Variants in PM20D1 observed in about 807,000 individuals in gnomAD.
PM20D1 encodes peptidase M20 domain containing 1.
PM20D1 carries 53 observed loss-of-function variants against 53.8 expected under a neutral mutation model. The ratio of observed to expected loss-of-function variants is 0.98; its 90% confidence interval spans 0.79 to 1.24. The LOEUF (loss-of-function observed/expected upper bound fraction) is 1.24, where lower values mean the gene tolerates loss of function less well. Among genes scored for constraint, PM20D1 ranks in the 50% most tolerant of loss-of-function variants. PM20D1 has a pLI of 0.00. For synonymous variants in PM20D1, 239 were observed against 241.3 expected (o/e 0.99, Z 0.09); for missense variants, 564 against 616.8 (o/e 0.91, Z 0.91).
At chr1:205,841,046 T>G (rs990520266) in intron 9 of PM20D1, among the ~76,000 whole-genome samples, 18 of 152,190 alleles carry the variant, frequency 1.2e-4, no homozygotes, top group African/African-American at 4.1e-4. Flanking sequence ...TTGAGGCTGC[T>G]GAGCAATTGT....
At chr1:205,846,729 T>A (rs1264206859) in intron 2 of PM20D1, among the ~76,000 whole-genome samples, 3 of 151,946 alleles carry the variant, frequency 2.0e-5, no homozygotes, top group African/African-American at 7.3e-5. Context: ...TAGGGTCAAT[T>A]ATTCAAGCGA....
intron 1 of PM20D1, 27 bp from the exon 2 acceptor site, chr1:205,847,998 A>G: frequency 1.3e-6 from 2 of 1,594,676 alleles, no homozygotes; most frequent in East Asian, 2.2e-5. Context: ...GAGATGAAAG[A>G]TTGAAAATGA....
At position 205,850,130 on chromosome 1, in the gene PM20D1, A is replaced by AC; in HGVS notation, c.-59dup. ...GGGTAGTTCTGACCTAAACGCCCAG[A>AC]CTAGCGTTTCTTGGCCCTAGCTCTG... is the stretch of plus-strand genomic sequence containing the variant. On this transcript the variant is annotated 5_prime_UTR_variant, in exon 1 of 13. Coordinates refer to ENST00000367136, the MANE Select transcript of PM20D1 (RefSeq NM_152491.5). 1.9e-6 allele frequency: 3 copies of AC among 1,552,096 alleles called. No individual in the cohort carries two copies. Among genetic ancestry groups the AC allele is most frequent in the Non-Finnish European group, 2.6e-6 (3 of 1,143,662 alleles).
At chr1:205,836,913 A>T (rs1208328006) in intron 10 of PM20D1, among the ~76,000 whole-genome samples, 1 of 152,174 alleles carries the variant, frequency 6.6e-6, no homozygotes, top group Admixed American at 6.5e-5. Context: ...GGGCATCTGT[A>T]CTGCTTCCCA....
intron 8 of PM20D1, 60 bp from the exon 9 acceptor site, chr1:205,841,949 G>A (rs960011362): frequency 1.2e-5 from 18 of 1,459,662 alleles, no homozygotes; most frequent in Admixed American, 9.8e-5. Flanking sequence ...AGGAAAGGGC[G>A]GAAACATTAC....
intron 10 of PM20D1, among the ~76,000 whole-genome samples, chr1:205,837,007 A>G (rs1656699592): frequency 6.6e-6 from 1 of 152,050 alleles, no homozygotes; most frequent in African/African-American, 2.4e-5. Context: ...CATTTAAAGG[A>G]CCTCACTGCT....
chr1:205,835,199 G>A (rs1656656712), intron 10 of PM20D1, among the ~76,000 whole-genome samples: 1 of 152,166 alleles, frequency 6.6e-6, no homozygotes, highest in African/African-American at 2.4e-5. Context: ...TTCAAGGAAG[G>A]ATATGAAACT....
rs187438561 is a variant in PM20D1 at position 205,850,093 on chromosome 1, G to A, written c.-21C>T. 3.1e-6 allele frequency: 5 copies of A among 1,607,394 alleles called. No homozygotes were observed. The highest frequency in any genetic ancestry group is 4.3e-6 in the Non-Finnish European group (5 of 1,175,260). ...GCCATGCTTCTCTCGAGCTCCTGCT[G>A]TCAGGCTACCGGGGTAGTTCTGACC... On this transcript the variant is annotated 5_prime_UTR_variant, in exon 1 of 13. Transcript: ENST00000367136.
At chr1:205,847,992 T>C (rs1015412701) in intron 1 of PM20D1, 21 bp from the exon 2 acceptor site, 17 of 1,597,508 alleles carry the variant, frequency 1.1e-5, no homozygotes, top group Non-Finnish European at 1.5e-5. Flanking sequence ...CAAATAGAGA[T>C]GAAAGATTGA....
intron 9 of PM20D1, 89 bp from the exon 10 acceptor site, chr1:205,840,412 G>T: frequency 8.2e-7 from 1 of 1,217,552 alleles, no homozygotes; most frequent in Non-Finnish European, 1.2e-6. Context: ...CCTCAGCTCA[G>T]GCAGAGTTGG....
In PM20D1 at chr1:205,841,823, T is replaced by G; in HGVS notation, c.1032A>C (p.Lys344Asn). The G allele has an allele frequency of 6.4e-7, 1 of 1,568,740 alleles. No individual in the cohort carries two copies. The highest frequency in any genetic ancestry group is 8.7e-7 in the Non-Finnish European group (1 of 1,153,962). The change falls in exon 9 of 13, where the codon AAA becomes AAC. Residue 344 changes from lysine (K) to asparagine (N), a missense_variant. By Grantham distance (94) the Lys-to-Asn change is moderately conservative. Coordinates refer to ENST00000367136, the MANE Select transcript of PM20D1 (RefSeq NM_152491.5). ...CCAGGGATGTTACCTTGACCCCTGC[T>G]TTGAATATGGTGAGTGCCGTGGTGG... Reference protein sequence around the residue: ...IRTTTALTIFKAGVKFNVIPP... With the variant: ...IRTTTALTIFNAGVKFNVIPP...
chr1:205,829,548 AAAAC>A (rs1394580664), intron 12 of PM20D1, among the ~76,000 whole-genome samples: 11 of 152,248 alleles, frequency 7.2e-5, no homozygotes, highest in African/African-American at 2.4e-4. Flanking sequence ...AGAGCAAAAC[AAAAC>A]AAACAACAAC....
Position 205,832,640 on chromosome 1 carries a change from T to C in PM20D1, c.1243A>G (p.Thr415Ala). The change falls in exon 11 of 13, where the codon ACC becomes GCC. Residue 415 changes from threonine to alanine, a missense_variant. Thr to Ala is a moderately conservative substitution (Grantham distance 58). Coordinates refer to ENST00000367136, the MANE Select transcript of PM20D1 (RefSeq NM_152491.5). The part of the protein sequence containing the change: ...KALGYQLLRQ[T>A]VQSVFPEVNI... ...ACTTCCGGGAAGACGGACTGTACGG[T>C]CTGGCGGAGCAGCTGGTAGCCCAAG... The C allele has an allele frequency of 6.2e-7, 1 of 1,614,154 alleles. No homozygotes were observed. Among genetic ancestry groups the C allele is most frequent in the Non-Finnish European group, 8.5e-7 (1 of 1,180,018 alleles).
chr1:205,850,096 A>G lies in PM20D1; in HGVS notation c.-24T>C. The G allele has an allele frequency of 6.2e-7, 1 of 1,606,610 alleles. No individual in the cohort carries two copies. The highest frequency in any genetic ancestry group is 8.5e-7 in the Non-Finnish European group (1 of 1,174,880). Reference sequence around the variant, plus strand: ...ATGCTTCTCTCGAGCTCCTGCTGTCAGGCTACCGGGGTAGTTCTGACCTAA... The same window carrying G: ...ATGCTTCTCTCGAGCTCCTGCTGTCGGGCTACCGGGGTAGTTCTGACCTAA... On this transcript the variant is annotated 5_prime_UTR_variant, in exon 1 of 13. Transcript: ENST00000367136.
At chr1:205,846,284 G>A (rs1054269078) in intron 2 of PM20D1, among the ~76,000 whole-genome samples, 3 of 152,068 alleles carry the variant, frequency 2.0e-5, no homozygotes, top group African/African-American at 7.2e-5. Flanking sequence ...AACTTGGAAG[G>A]CTGAGGCAGG....
Position 205,828,487 on chromosome 1 carries a change from TAA to T in PM20D1, c.*131_*132del. 7.6e-7 allele frequency: 1 copy of T among 1,309,636 alleles called. No homozygotes were observed. The highest frequency in any genetic ancestry group is 1.0e-6 in the Non-Finnish European group (1 of 974,188). 81.1% of individuals were successfully genotyped at this position (1,309,636 alleles called of 1,614,324 possible). On this transcript the variant is annotated 3_prime_UTR_variant, in exon 13 of 13. Transcript: ENST00000367136. ...CCCCGGCCTTGTTCTTGGGAGAGTTTAAGAGTGAGCAAGACAGATGGGCAATG... is the reference window on the plus strand; with the variant it reads ...CCCCGGCCTTGTTCTTGGGAGAGTTTGAGTGAGCAAGACAGATGGGCAATG...
chr1:205,842,877 C>T (rs1656848472), intron 6 of PM20D1, 126 bp from the exon 7 acceptor site: 3 of 728,712 alleles, frequency 4.1e-6, no homozygotes, highest in Admixed American at 2.2e-5. Flanking sequence ...TCATTCACCT[C>T]CCTCCCACCT....
chr1:205,847,020 T>C (rs1345541847), intron 2 of PM20D1, among the ~76,000 whole-genome samples: 1 of 136,442 alleles, frequency 7.3e-6, no homozygotes, highest in African/African-American at 2.7e-5. Flanking sequence ...TTTTTTTTTT[T>C]TTTTTTTTTT....
intron 1 of PM20D1, 73 bp downstream of exon 1, chr1:205,849,831 G>A: frequency 1.3e-6 from 2 of 1,511,596 alleles, no homozygotes; most frequent in South Asian, 2.6e-5. Context: ...GCGGAAGCGG[G>A]GAGTCACGGG....
Sources: allele counts gnomAD v4.1 joint callset (sites outside exome capture counted in the v4.1 genomes callset), GRCh38; gene constraint gnomAD v4.1.1; transcripts MANE v1.5; gene names NCBI Gene and HGNC (gene_info 2026-07-23, HGNC 2026-07-21).